SPA17: variants seen among roughly 807,000 people sequenced by gnomAD.
SPA17 encodes the protein sperm autoantigenic protein 17.
A neutral mutation model predicts 13.8 loss-of-function variants in SPA17; 7 were observed. The observed-to-expected ratio is 0.51, with a 90% CI of 0.29 to 0.95. The LOEUF (loss-of-function observed/expected upper bound fraction) is 0.95, where lower values mean the gene tolerates loss of function less well. SPA17 is among the 40% of genes least tolerant of loss of function. SPA17 has a pLI of 0.08. For synonymous variants in SPA17, 61 were observed against 59.0 expected, an observed-to-expected ratio of 1.03 and a Z score of -0.16; for missense variants, 170 against 179.3, an observed-to-expected ratio of 0.95 and a Z score of 0.30.
At chr11:124,694,064 G>T (rs1180213801) in intron 4 of SPA17, among the ~76,000 whole-genome samples, 1 of 152,164 alleles carries the variant, frequency 6.6e-6, no homozygotes, top group African/African-American at 2.4e-5. Flanking sequence ...GGGAAAGAAA[G>T]TTGGCAATGA....
rs1943671947 is a variant in SPA17, at chr11:124,696,435, A to G, written c.*1989A>G. On this transcript the variant is annotated 3_prime_UTR_variant, in exon 5 of 5. Coordinates refer to ENST00000227135, the MANE Select transcript of SPA17 (RefSeq NM_017425.4). ...AAAAAGATGAGTTAGCTTTTTCAGT[A>G]ATTCTCCTGTTATACACATAAAGTG... is the stretch of plus-strand genomic sequence containing the variant. 2 of 152,038 alleles carry G rather than the reference A, an allele frequency of 1.3e-5. No individual in the cohort carries two copies. Among genetic ancestry groups the G allele is most frequent in the African/African-American group, 4.8e-5 (2 of 41,398 alleles). 9.4% of individuals were successfully genotyped at this position (152,038 alleles called of 1,614,324 possible).
At chr11:124,674,495 T>C (rs1943431686) in intron 1 of SPA17, 1 of 152,414 alleles carries the variant, frequency 6.6e-6, no homozygotes, top group East Asian at 1.9e-4. Flanking sequence ...ACAGGCCAGG[T>C]CCCGGAGGAT....
At chr11:124,679,518 A>C (rs1943505449) in intron 2 of SPA17, among the ~76,000 whole-genome samples, 1 of 152,222 alleles carries the variant, frequency 6.6e-6, no homozygotes, top group Non-Finnish European at 1.5e-5. Context: ...TGTAATCTTA[A>C]ATTTGAGTTG....
At position 124,683,526 on chromosome 11, in the gene SPA17, T is replaced by C. The variant is rs143410395; in HGVS notation, c.225+2067T>C. On this transcript the variant is annotated intron_variant, in intron 3 of 4. Coordinates refer to ENST00000227135, the MANE Select transcript of SPA17 (RefSeq NM_017425.4). ...ACATAAAAGCTATAGACTGGCTGAATGGATTTCTTTAAAAAAAAAAAAAAA... is the reference window on the plus strand; with the variant it reads ...ACATAAAAGCTATAGACTGGCTGAACGGATTTCTTTAAAAAAAAAAAAAAA... Among the ~76,000 whole-genome samples, 971 of 148,494 alleles carry C rather than the reference T, an allele frequency of 6.5e-3. 12 individuals are homozygous for C. The highest frequency in any genetic ancestry group is 0.023 in the African/African-American group (913 of 39,598).
At chr11:124,675,002 T>C (rs1943441159) in intron 1 of SPA17, 1 of 281,572 alleles carries the variant, frequency 3.6e-6, no homozygotes, top group African/African-American at 2.2e-5. Context: ...AAATTATGGG[T>C]TTTTTGCAGG....
intron 4 of SPA17, among the ~76,000 whole-genome samples, chr11:124,692,009 A>G (rs1943627144): frequency 6.6e-6 from 1 of 152,160 alleles, no homozygotes; most frequent in Non-Finnish European, 1.5e-5. Context: ...ATTTTTCAAG[A>G]TTGTTAATGG....
chr11:124,688,053 A>T (rs1017301347), intron 3 of SPA17, among the ~76,000 whole-genome samples: 6 of 152,312 alleles, frequency 3.9e-5, no homozygotes, highest in Non-Finnish European at 5.9e-5. Context: ...TCACTCTGTC[A>T]TCCAGGCTGG....
Position 124,675,258 on chromosome 11 carries a change from CAAG to C in SPA17, c.-2_1del. The C allele has an allele frequency of 6.2e-7, 1 of 1,610,010 alleles. No homozygotes were observed. Among genetic ancestry groups the C allele is most frequent in the Non-Finnish European group, 8.5e-7 (1 of 1,178,742 alleles). Reference sequence around the variant, plus strand: ...TTTAGGTTCCATAGGCAGTTCTTACCAAGAAGATGTCGATTCCATTCTCCAACA... The same window carrying C: ...TTTAGGTTCCATAGGCAGTTCTTACCAAGATGTCGATTCCATTCTCCAACA... On this transcript the variant is annotated 5_prime_UTR_variant, in exon 2 of 5. Transcript: ENST00000227135.
At chr11:124,689,186 ATAAGACC>A (rs1383598303) in intron 3 of SPA17, among the ~76,000 whole-genome samples, 1 of 152,196 alleles carries the variant, frequency 6.6e-6, no homozygotes, top group Non-Finnish European at 1.5e-5. Context: ...AGACTTAAAC[ATAAGACC>A]TAAAACTGTA....
In SPA17 at chr11:124,686,190, TGG is replaced by T. The variant is rs60389113; in HGVS notation, c.225+4740_225+4741del. Among the ~76,000 whole-genome samples the T allele has an allele frequency of 2.0e-3, 147 of 74,912 alleles. 6 individuals carry two copies. In the East Asian group the frequency reaches 0.03, roughly 15 times the overall value. 49.1% of individuals were successfully genotyped at this position (74,912 alleles called of 152,430 possible). On this transcript the variant is annotated intron_variant, in intron 3 of 4. Coordinates refer to ENST00000227135, the MANE Select transcript of SPA17 (RefSeq NM_017425.4). ...CTCGTGGAGGTAATGGAATCATGGG[TGG>T]GGGGGGGGTGGTTTTATAAGGGGCT...
Position 124,673,933 on chromosome 11 carries a change from C to T in SPA17, c.-47C>T, listed in dbSNP as rs1591400365. Reference sequence around the variant, plus strand: ...AGAAAAACAACCGGAACCGGCGGCACCAGCTCGGAGAGAAAGGAGGTGAGG... The same window carrying T: ...AGAAAAACAACCGGAACCGGCGGCATCAGCTCGGAGAGAAAGGAGGTGAGG... On this transcript the variant is annotated 5_prime_UTR_variant, in exon 1 of 5. Transcript: ENST00000227135. The T allele has an allele frequency of 6.8e-6, 4 of 586,010 alleles. No homozygotes were observed. In the East Asian group the frequency reaches 1.1e-4, roughly 17 times the overall value. 36.3% of individuals were successfully genotyped at this position (586,010 alleles called of 1,614,324 possible). A position where few individuals can be genotyped will look rare whatever the true frequency, so the allele number is the denominator to read the frequency against.
intron 2 of SPA17, among the ~76,000 whole-genome samples, chr11:124,678,600 G>A (rs1354565494): frequency 6.6e-6 from 1 of 151,968 alleles, no homozygotes; most frequent in African/African-American, 2.4e-5. Flanking sequence ...CGCCCAGGCT[G>A]AAGTGCAGTG....
rs376622230 is a variant in SPA17, at chr11:124,692,664, C to T, written c.312+882C>T. The stretch of plus-strand genomic sequence containing the variant: ...GTCACTTTAATAACTTGAAGTCAGC[C>T]ACAATGAGAATATTAAGACCATGGC... On this transcript the variant is annotated intron_variant, in intron 4 of 4. Coordinates refer to ENST00000227135, the MANE Select transcript of SPA17 (RefSeq NM_017425.4). Among the ~76,000 whole-genome samples the T allele has an allele frequency of 2.6e-5, 4 of 152,150 alleles. No individual in the cohort carries two copies. In the South Asian group the frequency reaches 6.2e-4, roughly 24 times the overall value.
intron 3 of SPA17, among the ~76,000 whole-genome samples, chr11:124,683,756 A>T (rs1943548739): frequency 6.6e-6 from 1 of 152,166 alleles, no homozygotes; most frequent in South Asian, 2.1e-4. Flanking sequence ...ATAATGATAA[A>T]GGGATCAATT....
chr11:124,683,594 C>G (rs1943547732), intron 3 of SPA17, among the ~76,000 whole-genome samples: 1 of 149,070 alleles, frequency 6.7e-6, no homozygotes, highest in Non-Finnish European at 1.5e-5. Context: ...CTCACCTTAC[C>G]TGTAAAAGCA....
rs1943678903 is a variant in SPA17, at chr11:124,696,930, A to T, written c.*2484A>T. 1 of 152,050 alleles carries T rather than the reference A, an allele frequency of 6.6e-6. No individual in the cohort carries two copies. Among genetic ancestry groups the T allele is most frequent in the Admixed American group, 6.6e-5 (1 of 15,260 alleles). 9.4% of individuals were successfully genotyped at this position (152,050 alleles called of 1,614,324 possible). On this transcript the variant is annotated 3_prime_UTR_variant, in exon 5 of 5. Coordinates refer to ENST00000227135, the MANE Select transcript of SPA17 (RefSeq NM_017425.4). ...CCCCCAAATCTGAAACTTCCCCCAC[A>T]CCCAAGTTTTTCCATTCAAAAATGG...
intron 3 of SPA17, among the ~76,000 whole-genome samples, chr11:124,689,735 G>A (rs1943608261): frequency 6.6e-6 from 1 of 151,318 alleles, no homozygotes; most frequent in African/African-American, 2.4e-5. Flanking sequence ...TCCAGCCTGG[G>A]CAACAGAGTG....
chr11:124,685,216 G>A (rs956366195), intron 3 of SPA17, among the ~76,000 whole-genome samples: 1 of 152,256 alleles, frequency 6.6e-6, no homozygotes, highest in Non-Finnish European at 1.5e-5. Context: ...GCAGCCTCGG[G>A]ACATGGTGAC....
At chr11:124,681,826 A>G (rs991568432) in intron 3 of SPA17, among the ~76,000 whole-genome samples, 2 of 152,122 alleles carry the variant, frequency 1.3e-5, no homozygotes, top group African/African-American at 2.4e-5. Context: ...TTATTCTTCA[A>G]ATGTTTTCAG....
Sources: gnomAD v4.1 joint callset for allele counts (sites outside exome capture counted in the v4.1 genomes callset) on GRCh38, gnomAD v4.1.1 for gene constraint, MANE v1.5 for transcripts, NCBI Gene and HGNC (gene_info 2026-07-23, HGNC 2026-07-21) for gene names.